PHF2: variants seen among roughly 807,000 people sequenced by gnomAD.
PHF2 encodes the protein lysine-specific demethylase PHF2.
PHF2 carries 27 observed loss-of-function variants against 120.5 expected under a neutral mutation model. The ratio of observed to expected loss-of-function variants is 0.22; its 90% CI spans 0.17 to 0.31. The LOEUF is 0.31. Among genes scored for constraint, PHF2 ranks in the 10% least tolerant of loss-of-function variants. The pLI is 1.00. For synonymous variants in PHF2, 568 were observed against 592.5 expected (o/e 0.96, Z 0.60); for missense variants, 1,024 against 1,434.8 (o/e 0.71, Z 4.63).
rs2398862 is a variant in PHF2, at chr9:93,677,416, A to G, written c.3203-172A>G. On this transcript the variant is annotated intron_variant, in intron 21 of 21. Transcript: ENST00000359246. This position sits in a 1 kb window ranked among gnomAD's most constrained non-coding sequence, Gnocchi z 4.4. ...AGGCGGAGGCTTTGCCAGTGATCCC[A>G]GACTCCTGAAGGGTGCTGAGCTCGG... 0.97 allele frequency among the ~76,000 whole-genome samples: 147,760 copies of G among 151,888 alleles called. 71,900 individuals are homozygous for G. The highest frequency in any genetic ancestry group is 1 in the East Asian group (5,042 of 5,044).
At chr9:93,601,554 G>A (rs549418901) in intron 1 of PHF2, among the ~76,000 whole-genome samples, 1 of 152,180 alleles carries the variant, frequency 6.6e-6, no homozygotes, top group South Asian at 2.1e-4. Flanking sequence ...CATTTTGGGA[G>A]GGCTCTGTGT....
At chr9:93,630,533 T>C (rs7872863) in intron 2 of PHF2, among the ~76,000 whole-genome samples, 37,635 of 152,110 alleles carry the variant, frequency 0.25, 4,785 homozygotes, top group Non-Finnish European at 0.27. Flanking sequence ...CACCCACCTC[T>C]TCCTCTGCAG....
chr9:93,675,550 C>T, intron 19 of PHF2, 130 bp from the exon 20 acceptor site: 1 of 693,090 alleles, frequency 1.4e-6, no homozygotes, highest in Non-Finnish European at 2.5e-6. Flanking sequence ...GCTTCACAGC[C>T]AGGAATCCCT....
At chr9:93,664,147 C>T (rs1366860603) in intron 14 of PHF2, among the ~76,000 whole-genome samples, 2 of 152,162 alleles carry the variant, frequency 1.3e-5, no homozygotes, top group Non-Finnish European at 2.9e-5. Context: ...GGGACAGGGT[C>T]CTGGCTCTCA....
chr9:93,580,062 G>A lies in PHF2; in HGVS notation c.98+3191G>A, dbSNP rs375723663. Among the ~76,000 whole-genome samples the A allele has an allele frequency of 4.6e-4, 70 of 152,336 alleles. 1 individual carries two copies. In the South Asian group the frequency reaches 0.014, roughly 31 times the overall value. On this transcript the variant is annotated intron_variant, in intron 1 of 21. Transcript: ENST00000359246. ...CACTGGAGGGGAAGTGTGGAGTAGA[G>A]GTCGGGGAAACAGGCCCTCCTTTGA...
intron 17 of PHF2, among the ~76,000 whole-genome samples, chr9:93,669,564 A>G (rs2118072876): frequency 6.6e-6 from 1 of 152,316 alleles, no homozygotes; most frequent in Middle Eastern, 3.4e-3. Context: ...CCCAAAATGC[A>G]ACGCAGTCCA....
chr9:93,613,490 C>T (rs1019623429), intron 1 of PHF2, among the ~76,000 whole-genome samples: 1 of 151,248 alleles, frequency 6.6e-6, no homozygotes, highest in African/African-American at 2.4e-5. Flanking sequence ...CCAGGCCTGG[C>T]TTGTCTTTAG....
intron 1 of PHF2, among the ~76,000 whole-genome samples, chr9:93,612,946 A>T (rs796414125): frequency 3.9e-5 from 6 of 152,196 alleles, no homozygotes; most frequent in African/African-American, 1.4e-4. Flanking sequence ...TGCACCCTTC[A>T]CGTGGAGCGA....
At chr9:93,665,004 C>T (rs765211691) in intron 14 of PHF2, among the ~76,000 whole-genome samples, 7 of 152,176 alleles carry the variant, frequency 4.6e-5, no homozygotes, top group Non-Finnish European at 1.0e-4. Flanking sequence ...GCCTGTTGTC[C>T]CTGCTACTAT....
intron 1 of PHF2, among the ~76,000 whole-genome samples, chr9:93,605,464 C>T (rs112189900): frequency 2.6e-5 from 4 of 152,214 alleles, no homozygotes; most frequent in Non-Finnish European, 5.9e-5. Flanking sequence ...CAATGTAATA[C>T]AGAAGAGTTT....
At chr9:93,674,807 C>T (rs1204438460) in intron 18 of PHF2, 120 bp from the exon 19 acceptor site, 17 of 687,754 alleles carry the variant, frequency 2.5e-5, no homozygotes, top group Non-Finnish European at 4.1e-5. Context: ...CGTGGCAGGC[C>T]TTAGTGTAGG....
chr9:93,615,123 G>A (rs117162474), intron 1 of PHF2, among the ~76,000 whole-genome samples: 7,217 of 151,404 alleles, frequency 0.048, 234 homozygotes, highest in Non-Finnish European at 0.071. Context: ...TGGTGATGGC[G>A]ATGATGATGG....
intron 1 of PHF2, among the ~76,000 whole-genome samples, chr9:93,618,708 A>G (rs1324770173): frequency 6.6e-6 from 1 of 152,060 alleles, no homozygotes; most frequent in East Asian, 1.9e-4. Flanking sequence ...TCCTGGTCAC[A>G]CAGCACTCTG....
At chr9:93,623,850 T>C (rs1256200504) in intron 1 of PHF2, among the ~76,000 whole-genome samples, 1 of 152,248 alleles carries the variant, frequency 6.6e-6, no homozygotes, top group African/African-American at 2.4e-5. Flanking sequence ...TTCCCAGAAC[T>C]CAAGACTGTG....
chr9:93,674,639 G>A (rs1826874401), intron 18 of PHF2, among the ~76,000 whole-genome samples: 1 of 152,280 alleles, frequency 6.6e-6, no homozygotes, highest in African/African-American at 2.4e-5. Context: ...GGGCTTGCAG[G>A]CACTGGGGCT....
At chr9:93,675,549 C>T (rs1414246541) in intron 19 of PHF2, 131 bp from the exon 20 acceptor site, 1 of 687,534 alleles carries the variant, frequency 1.5e-6, no homozygotes, top group African/African-American at 1.8e-5. Flanking sequence ...GGCTTCACAG[C>T]CAGGAATCCC....
At chr9:93,612,345 T>C (rs185004284) in intron 1 of PHF2, among the ~76,000 whole-genome samples, 78 of 152,352 alleles carry the variant, frequency 5.1e-4, no homozygotes, top group African/African-American at 1.8e-3. Flanking sequence ...GCCAAGAATA[T>C]GGGAGAATGC....
intron 7 of PHF2, 84 bp from the exon 8 acceptor site, chr9:93,655,850 C>G (rs1456672507): frequency 1.0e-6 from 1 of 993,976 alleles, no homozygotes; most frequent in Non-Finnish European, 1.5e-6. Context: ...CTGTGCTGGT[C>G]TCCGCCGCTC....
intron 12 of PHF2, among the ~76,000 whole-genome samples, chr9:93,662,556 A>G (rs897781053): frequency 1.5e-5 from 2 of 135,604 alleles, no homozygotes. Context: ...GGATGGATGG[A>G]TGGATGGATG....
Sources: allele counts gnomAD v4.1 joint callset (sites outside exome capture counted in the v4.1 genomes callset), GRCh38; gene constraint gnomAD v4.1.1; non-coding constraint Gnocchi (gnomAD v3.1); transcripts MANE v1.5; gene names NCBI Gene and HGNC (gene_info 2026-07-23, HGNC 2026-07-21).